The following CRAMP1 variants were observed in gnomAD, a reference collection of about 807,000 sequenced individuals.
CRAMP1 encodes protein cramped-like.
A neutral mutation model predicts 115.4 loss-of-function variants in CRAMP1; 50 were observed. That is an observed-to-expected ratio of 0.43 (90% CI 0.35 to 0.55). The LOEUF (loss-of-function observed/expected upper bound fraction) is 0.55. CRAMP1 is among the 20% of genes least tolerant of loss of function. The pLI, the probability that CRAMP1 is intolerant of heterozygous loss-of-function variation, is 0.01. For synonymous variants in CRAMP1, 866 were observed against 745.4 expected (o/e 1.16, Z -2.64); for missense variants, 1,679 against 1,721.7 (o/e 0.98, Z 0.44).
intron 5 of CRAMP1, among the ~76,000 whole-genome samples, chr16:1,640,460 G>A (rs1379406761): frequency 2.0e-5 from 3 of 152,272 alleles, no homozygotes; most frequent in Non-Finnish European, 2.9e-5. Flanking sequence ...CAGCCTGGTC[G>A]TTCGTTTGTG....
intron 10 of CRAMP1, among the ~76,000 whole-genome samples, chr16:1,658,669 C>T (rs1379915412): frequency 1.3e-5 from 2 of 152,164 alleles, no homozygotes; most frequent in African/African-American, 4.8e-5. Flanking sequence ...GCCCGAGCCC[C>T]AGAGATCAGG....
chr16:1,661,225 G>C (rs1047927930), intron 11 of CRAMP1, among the ~76,000 whole-genome samples: 1 of 152,202 alleles, frequency 6.6e-6, no homozygotes, highest in Admixed American at 6.5e-5. Context: ...GGGAGGCTGA[G>C]GTGGGAGGAT....
intron 13 of CRAMP1, among the ~76,000 whole-genome samples, chr16:1,663,725 C>A (rs545478859): frequency 6.6e-6 from 1 of 152,176 alleles, no homozygotes; most frequent in African/African-American, 2.4e-5. Context: ...TATGAACTCA[C>A]GTTGCCTTCT....
intron 2 of CRAMP1, among the ~76,000 whole-genome samples, chr16:1,618,865 AAAAAC>A (rs1203983596): frequency 2.6e-5 from 4 of 152,206 alleles, no homozygotes; most frequent in African/African-American, 4.8e-5. Flanking sequence ...ACCCTGTTTC[AAAAAC>A]AAAACAAAAC....
intron 8 of CRAMP1, 94 bp from the exon 9 acceptor site, chr16:1,655,125 T>C: frequency 2.7e-6 from 3 of 1,116,694 alleles, no homozygotes; most frequent in South Asian, 1.3e-5. Context: ...TTGTCTCTTT[T>C]GGCACCCTCC....
At chr16:1,654,535 A>C (rs1384914139) in intron 8 of CRAMP1, among the ~76,000 whole-genome samples, 7 of 152,174 alleles carry the variant, frequency 4.6e-5, no homozygotes, top group Non-Finnish European at 7.4e-5. Flanking sequence ...CTAAGTTTGC[A>C]GTTCAGGGGC....
chr16:1,661,389 G>C (rs1266848993), intron 11 of CRAMP1, among the ~76,000 whole-genome samples: 2 of 92,532 alleles, frequency 2.2e-5, no homozygotes, highest in African/African-American at 4.4e-5. Flanking sequence ...GACGGAGGGG[G>C]CCGGGTGAGG....
In CRAMP1 at chr16:1,667,325, C is replaced by T. The variant is rs781610240; in HGVS notation, c.3037-10C>T. 1 of 1,612,774 alleles carries T rather than the reference C, an allele frequency of 6.2e-7. No individual in the cohort carries two copies. The highest frequency in any genetic ancestry group is 1.1e-5 in the South Asian group (1 of 91,060). Reference sequence around the variant, plus strand: ...CCCTGCGGCTGCTCATGGGCGTGCTCTTCCTGCAGGGCTCCGACCCATTTG... The same window carrying T: ...CCCTGCGGCTGCTCATGGGCGTGCTTTTCCTGCAGGGCTCCGACCCATTTG... On this transcript the variant is annotated splice_polypyrimidine_tract_variant and intron_variant, in intron 16 of 20. Transcript: ENST00000397412.
chr16:1,628,924 C>T (rs2036527040), intron 3 of CRAMP1, among the ~76,000 whole-genome samples: 1 of 152,222 alleles, frequency 6.6e-6, no homozygotes, highest in Admixed American at 6.5e-5. Flanking sequence ...TTGGGCAGTG[C>T]TGGGCATGCT....
chr16:1,647,048 C>T (rs964764749), intron 6 of CRAMP1: 22 of 702,792 alleles, frequency 3.1e-5, no homozygotes, highest in Non-Finnish European at 5.7e-5. Context: ...AACAGGAAAC[C>T]TGTCAAGGTG....
In CRAMP1 at chr16:1,656,124, C is replaced by G; in HGVS notation, c.1367C>G (p.Thr456Arg). The G allele has an allele frequency of 1.2e-6, 2 of 1,608,448 alleles. No homozygotes were observed. The highest frequency in any genetic ancestry group is 2.2e-5 in the East Asian group (1 of 44,798). The change falls in exon 10 of 21, where the codon ACG becomes AGG. Residue 456 changes from threonine (T) to arginine (R), a missense_variant. Physicochemically the swap from Thr to Arg is moderately conservative, Grantham distance 71. This residue lies in a region of CRAMP1 where 191 missense variants were observed against 236.2 expected (regional missense o/e 0.81). Coordinates refer to ENST00000397412, the MANE Select transcript of CRAMP1 (RefSeq NM_020825.4). This position sits in a 1 kb window ranked among gnomAD's most constrained non-coding sequence, Gnocchi z 5.6. ...QILGIQSGQG[T>R]ARGQVKCPRS... ...CTGGGCATCCAGAGTGGGCAGGGCA[C>G]GGCCCGGGGCCAGGTGAAATGCCCG...
intron 9 of CRAMP1, 65 bp from the exon 10 acceptor site, chr16:1,655,812 A>G: frequency 6.5e-7 from 1 of 1,543,744 alleles, no homozygotes. Flanking sequence ...GTCTGTACCC[A>G]TGTGCCTGGT....
intron 6 of CRAMP1, among the ~76,000 whole-genome samples, chr16:1,649,451 A>G (rs745648142): frequency 9.3e-5 from 14 of 150,004 alleles, no homozygotes; most frequent in Non-Finnish European, 1.6e-4. Context: ...CTTTCTGCCA[A>G]TTGGGACCTC....
intron 6 of CRAMP1, among the ~76,000 whole-genome samples, chr16:1,650,506 A>T (rs541958609): frequency 2.7e-4 from 41 of 152,378 alleles, no homozygotes; most frequent in African/African-American, 9.9e-4. Context: ...CAGATAAAAT[A>T]TAAGACCCTC....
intron 2 of CRAMP1, chr16:1,620,776 C>A: frequency 2.2e-6 from 1 of 446,090 alleles, no homozygotes; most frequent in South Asian, 1.6e-5. Flanking sequence ...GATCCTCCAG[C>A]TCTGTGACAG....
At position 1,661,548 on chromosome 16, in the gene CRAMP1, G is replaced by A. The variant is rs57715793; in HGVS notation, c.2414-942G>A. ...GGCCTCCTGGGTGACGGAGGGGGTC[G>A]GGTGAGGGGTCCTGTGAGAGGGGGC... is the stretch of plus-strand genomic sequence containing the variant. On this transcript the variant is annotated intron_variant, in intron 11 of 20. Transcript: ENST00000397412. Among the ~76,000 whole-genome samples the A allele has an allele frequency of 7.2e-3, 1,081 of 150,244 alleles. 21 individuals carry two copies. The highest frequency in any genetic ancestry group is 0.025 in the African/African-American group (997 of 39,920).
In CRAMP1 at chr16:1,633,684, T is replaced by G. The variant is rs1418769332; in HGVS notation, c.694+1319T>G. On this transcript the variant is annotated intron_variant, in intron 4 of 20. Coordinates refer to ENST00000397412, the MANE Select transcript of CRAMP1 (RefSeq NM_020825.4). Reference sequence around the variant, plus strand: ...TAATGTCAGGTTGTGGTGAGTGGCCTTGTGCCTTCCAGAGTGGCACGCAGC... The same window carrying G: ...TAATGTCAGGTTGTGGTGAGTGGCCGTGTGCCTTCCAGAGTGGCACGCAGC... Among the ~76,000 whole-genome samples, 8 of 152,350 alleles carry G rather than the reference T, an allele frequency of 5.3e-5. No individual in the cohort carries two copies. The East Asian group carries it at 1.5e-3, about 29-fold the overall frequency.
chr16:1,651,731 T>C (rs1470308493), intron 6 of CRAMP1, among the ~76,000 whole-genome samples: 1 of 128,718 alleles, frequency 7.8e-6, no homozygotes, highest in Non-Finnish European at 1.6e-5. Flanking sequence ...TAGAGGTGGA[T>C]TGAGGTCACA....
In CRAMP1 at chr16:1,666,643, C is replaced by T; in HGVS notation, c.3036+43C>T. The T allele has an allele frequency of 6.4e-7, 1 of 1,562,804 alleles. No homozygotes were observed. Among genetic ancestry groups the T allele is most frequent in the African/African-American group, 1.3e-5 (1 of 74,100 alleles). On this transcript the variant is annotated intron_variant, in intron 16 of 20. Transcript: ENST00000397412. This position sits in a 1 kb window ranked among gnomAD's most constrained non-coding sequence, Gnocchi z 5.0. ...GGCTTTTCAGCATTACCACCAACTT[C>T]TGGTGTGGACGCCAAAGCCATGGGG...
Sources: allele counts gnomAD v4.1 joint callset (sites outside exome capture counted in the v4.1 genomes callset), GRCh38; gene constraint gnomAD v4.1.1; regional missense constraint gnomAD v4.1.1; non-coding constraint Gnocchi (gnomAD v3.1); transcripts MANE v1.5; gene names NCBI Gene and HGNC (gene_info 2026-07-23, HGNC 2026-07-21).